MYO9A: variants seen among roughly 807,000 people sequenced by gnomAD.
MYO9A encodes the protein myosin IXA, also known as unconventional myosin-IXa.
In MYO9A, 103 loss-of-function variants were observed where a neutral mutation model predicts 293.3. The observed-to-expected ratio is 0.35, with a 90% CI of 0.30 to 0.41. The LOEUF (loss-of-function observed/expected upper bound fraction) is 0.41. MYO9A is among the 10% of genes least tolerant of loss of function. The pLI, the probability that MYO9A is intolerant of heterozygous loss-of-function variation, is 1.00. For synonymous variants in MYO9A, 1,001 were observed against 1,035.7 expected (o/e 0.97, Z 0.64); for missense variants, 2,685 against 3,033.0 (o/e 0.89, Z 2.69).
chr15:71,932,148 T>C (rs2058492866), intron 18 of MYO9A, among the ~76,000 whole-genome samples: 1 of 152,172 alleles, frequency 6.6e-6, no homozygotes, highest in Non-Finnish European at 1.5e-5. Context: ...GTTAAGTGTG[T>C]TCCAGTTCCT....
intron 12 of MYO9A, 55 bp downstream of exon 12, chr15:71,978,116 A>G: frequency 4.4e-6 from 7 of 1,590,184 alleles, no homozygotes; most frequent in Non-Finnish European, 6.0e-6. Context: ...TTAAACTTAA[A>G]AGGAGATAAA....
chr15:71,878,740 ATT>A (rs200866619), intron 30 of MYO9A, among the ~76,000 whole-genome samples: 38 of 108,642 alleles, frequency 3.5e-4, no homozygotes, highest in South Asian at 1.2e-3. Context: ...GAGATCTGGA[ATT>A]TTTTTTTTTT....
intron 19 of MYO9A, among the ~76,000 whole-genome samples, chr15:71,909,045 A>G (rs528912965): frequency 6.6e-6 from 1 of 152,200 alleles, no homozygotes; most frequent in South Asian, 2.1e-4. Context: ...TCACTCAGTA[A>G]TATGTATTTA....
Position 71,830,192 on chromosome 15 carries a change from A to T in MYO9A, c.6957T>A (p.Thr2319=). 6.2e-7 allele frequency: 1 copy of T among 1,614,062 alleles called. No individual in the cohort carries two copies. The highest frequency in any genetic ancestry group is 2.2e-5 in the East Asian group (1 of 44,876). The change falls in exon 40 of 42, where the codon ACT becomes ACA. Residue 2319 remains threonine, a synonymous_variant. Coordinates refer to ENST00000356056, the MANE Select transcript of MYO9A (RefSeq NM_006901.4). ...ETLTSEAAME[T]DITEQQQAAM... ...CTGCTTGCTGCTGTTCTGTGATGTCAGTCTCCATGGCTGCCTCACTAGTCA... is the reference window on the plus strand; with the variant it reads ...CTGCTTGCTGCTGTTCTGTGATGTCTGTCTCCATGGCTGCCTCACTAGTCA...
At chr15:71,852,358 G>GTT in intron 35 of MYO9A, 98 bp from the exon 36 acceptor site, 6 of 706,182 alleles carry the variant, frequency 8.5e-6, no homozygotes, top group Admixed American at 4.1e-5. Flanking sequence ...AAGGCTTCAT[G>GTT]TTTCTTTTTT....
chr15:71,874,620 T>G (rs943842186), intron 32 of MYO9A, among the ~76,000 whole-genome samples: 1 of 152,216 alleles, frequency 6.6e-6, no homozygotes, highest in African/African-American at 2.4e-5. Flanking sequence ...CATAGAGAAC[T>G]ATAACGGGAG....
At chr15:71,978,920 A>C (rs2076207599) in intron 11 of MYO9A, among the ~76,000 whole-genome samples, 1 of 151,978 alleles carries the variant, frequency 6.6e-6, no homozygotes, top group African/African-American at 2.4e-5. Flanking sequence ...TCTTCTATTC[A>C]TCCTTGTGAT....
At chr15:71,835,000 C>A (rs988652635) in intron 39 of MYO9A, among the ~76,000 whole-genome samples, 2 of 151,794 alleles carry the variant, frequency 1.3e-5, no homozygotes, top group African/African-American at 4.8e-5. Context: ...CTAATGTAGT[C>A]CATTAGAAAT....
chr15:71,904,896 T>C, intron 20 of MYO9A, 30 bp downstream of exon 20: 1 of 1,517,608 alleles, frequency 6.6e-7, no homozygotes, highest in Non-Finnish European at 9.1e-7. Context: ...TAAGCTGAGA[T>C]ATGTGCTCTC....
Position 71,904,053 on chromosome 15 carries a change from A to G in MYO9A, c.2767-14T>C. On this transcript the variant is annotated splice_polypyrimidine_tract_variant and intron_variant, in intron 20 of 41. Transcript: ENST00000356056. ...CCTTAAGGGCAGCTAAAGCAAATGGAAAAAAGATTAACCCAGAACAGTAGA... is the reference window on the plus strand; with the variant it reads ...CCTTAAGGGCAGCTAAAGCAAATGGGAAAAAGATTAACCCAGAACAGTAGA... 6.3e-7 allele frequency: 1 copy of G among 1,585,502 alleles called. No homozygotes were observed. The highest frequency in any genetic ancestry group is 8.6e-7 in the Non-Finnish European group (1 of 1,156,242).
intron 15 of MYO9A, among the ~76,000 whole-genome samples, chr15:71,941,122 C>T (rs2058762275): frequency 6.6e-6 from 1 of 152,106 alleles, no homozygotes; most frequent in East Asian, 1.9e-4. Flanking sequence ...GTGTAGCTCA[C>T]TCCCTGATCC....
At chr15:71,855,821 T>C (rs1216991271) in intron 34 of MYO9A, among the ~76,000 whole-genome samples, 3 of 152,234 alleles carry the variant, frequency 2.0e-5, no homozygotes, top group African/African-American at 4.8e-5. Context: ...GTAGTATATA[T>C]AATCTGTTTT....
In MYO9A at chr15:71,841,848, TGTTGCCCAGGCTG is replaced by T. The variant is rs1349461499; in HGVS notation, c.6837+6984_6837+6996del. Among the ~76,000 whole-genome samples, 61 of 150,638 alleles carry T rather than the reference TGTTGCCCAGGCTG, an allele frequency of 4.0e-4. 1 individual carries two copies. Among genetic ancestry groups the T allele is most frequent in the South Asian group, 3.4e-3 (16 of 4,688 alleles). Reference sequence around the variant, plus strand: ...TTTTTGTAGAGACGGGGTTTCACCATGTTGCCCAGGCTGGTCTCAAACTCCTGGGCTCAAGGAT... The same window carrying T: ...TTTTTGTAGAGACGGGGTTTCACCATGTCTCAAACTCCTGGGCTCAAGGAT... On this transcript the variant is annotated intron_variant, in intron 39 of 41. Coordinates refer to ENST00000356056, the MANE Select transcript of MYO9A (RefSeq NM_006901.4).
intron 1 of MYO9A, among the ~76,000 whole-genome samples, chr15:72,054,401 A>C (rs1016611853): frequency 3.3e-5 from 5 of 152,198 alleles, no homozygotes; most frequent in Non-Finnish European, 7.3e-5. Flanking sequence ...GGCCAGGCGC[A>C]GTGGTTCACA....
intron 1 of MYO9A, among the ~76,000 whole-genome samples, chr15:72,081,590 T>C (rs541482661): frequency 6.6e-6 from 1 of 152,350 alleles, no homozygotes; most frequent in African/African-American, 2.4e-5. Context: ...CAATTGCTTT[T>C]GGTGTCTTCG....
chr15:72,064,900 C>T (rs1283328062), intron 1 of MYO9A, among the ~76,000 whole-genome samples: 3 of 152,056 alleles, frequency 2.0e-5, no homozygotes, highest in African/African-American at 7.3e-5. Flanking sequence ...CTAGAATAGC[C>T]AAGACAATCT....
chr15:71,930,570 T>C (rs943513771), intron 18 of MYO9A, among the ~76,000 whole-genome samples: 3 of 152,180 alleles, frequency 2.0e-5, no homozygotes, highest in Non-Finnish European at 2.9e-5. Flanking sequence ...TCCCTTAATG[T>C]TCATTCTCTG....
chr15:72,002,246 A>AT (rs34970982), intron 8 of MYO9A, among the ~76,000 whole-genome samples: 27,701 of 140,122 alleles, frequency 0.2, 2,920 homozygotes, highest in East Asian at 0.4. Flanking sequence ...TGACCAGCTA[A>AT]TTTTTTTTTT....
rs2054357963 is a variant in MYO9A at position 71,823,691 on chromosome 15, C to T, written c.*2889G>A. Reference sequence around the variant, plus strand: ...TCCATAATAAGTACATACTAAATTACAGGGATACATTCACTTTAATGGGCA... The same window carrying T: ...TCCATAATAAGTACATACTAAATTATAGGGATACATTCACTTTAATGGGCA... On this transcript the variant is annotated 3_prime_UTR_variant, in exon 42 of 42. Transcript: ENST00000356056. 1 of 152,188 alleles carries T rather than the reference C, an allele frequency of 6.6e-6. No individual in the cohort carries two copies. The highest frequency in any genetic ancestry group is 6.5e-5 in the Admixed American group (1 of 15,282). 9.4% of individuals were successfully genotyped at this position (152,188 alleles called of 1,614,324 possible).
Sources: allele counts gnomAD v4.1 joint callset (sites outside exome capture counted in the v4.1 genomes callset), GRCh38; gene constraint gnomAD v4.1.1; transcripts MANE v1.5; gene names NCBI Gene and HGNC (gene_info 2026-07-23, HGNC 2026-07-21).